Variants in LIN28B observed in about 807,000 individuals in gnomAD.
The protein encoded by LIN28B is protein lin-28 homolog B.
A neutral mutation model predicts 21.9 loss-of-function variants in LIN28B; 5 were observed. That is an observed-to-expected ratio of 0.23 (90% CI 0.12 to 0.48). LIN28B has a LOEUF of 0.48. Among genes scored for constraint, LIN28B ranks in the 20% least tolerant of loss-of-function variants. The probability of loss-of-function intolerance (pLI) is 0.98; values close to 1 mark genes in which losing one functional copy is unlikely to be tolerated. For missense variants in LIN28B, 245 were observed against 310.5 expected, an observed-to-expected ratio of 0.79 and a Z score of 1.58; for synonymous variants, 109 against 111.3, an observed-to-expected ratio of 0.98 and a Z score of 0.13.
chr6:105,026,416 C>T lies in LIN28B; in HGVS notation c.317C>T (p.Pro106Leu). ...SIRVTGPGGS[P>L]CLGSERRPKG... ...CGGGTAACAGGACCTGGTGGGAGCC[C>T]CTGTTTAGGAAGTGAAAGAAGACCC... Residue 106 changes from proline (P) to leucine (L), a missense_variant, in exon 3 of 4, where the codon CCC becomes CTC. Physicochemically the swap from Pro to Leu is moderately conservative, Grantham distance 98. Transcript: ENST00000345080. 2 of 1,610,936 alleles carry T rather than the reference C, an allele frequency of 1.2e-6. No individual in the cohort carries two copies. Among genetic ancestry groups the T allele is most frequent in the African/African-American group, 1.3e-5 (1 of 74,728 alleles).
chr6:104,974,883 G>T (rs984524373), intron 2 of LIN28B, among the ~76,000 whole-genome samples: 2 of 151,936 alleles, frequency 1.3e-5, no homozygotes, highest in Non-Finnish European at 2.9e-5. Flanking sequence ...GCAGTGGCAC[G>T]ATCTCTGTTC....
At chr6:105,052,823 A>G (rs1771933979) in intron 3 of LIN28B, among the ~76,000 whole-genome samples, 1 of 151,954 alleles carries the variant, frequency 6.6e-6, no homozygotes, top group Non-Finnish European at 1.5e-5. Flanking sequence ...TTTTTTAAAA[A>G]TCCTTTCTAG....
At chr6:105,055,586 ATTTC>A (rs1772005552) in intron 3 of LIN28B, among the ~76,000 whole-genome samples, 1 of 151,944 alleles carries the variant, frequency 6.6e-6, no homozygotes, top group African/African-American at 2.4e-5. Flanking sequence ...TTATATTCAT[ATTTC>A]TTTATTTTCT....
chr6:104,956,092 T>C (rs1057359272), upstream of LIN28B, among the ~76,000 whole-genome samples: 4 of 152,108 alleles, frequency 2.6e-5, no homozygotes, highest in African/African-American at 4.8e-5. Context: ...CAATATGATA[T>C]GAATTTACCT....
intron 2 of LIN28B, among the ~76,000 whole-genome samples, chr6:104,991,017 G>A (rs954023961): frequency 2.0e-5 from 3 of 152,204 alleles, no homozygotes; most frequent in African/African-American, 4.8e-5. Context: ...ACATTTCCCC[G>A]TTTTCTATTC....
At chr6:105,004,696 T>C (rs915326591) in intron 2 of LIN28B, among the ~76,000 whole-genome samples, 10 of 152,218 alleles carry the variant, frequency 6.6e-5, no homozygotes, top group African/African-American at 2.4e-4. Flanking sequence ...AGGGTTATAA[T>C]TGCTTTTTGC....
chr6:104,972,937 G>A (rs569642220), intron 2 of LIN28B, among the ~76,000 whole-genome samples: 9 of 151,900 alleles, frequency 5.9e-5, no homozygotes, highest in African/African-American at 1.9e-4. Flanking sequence ...ATGGCAAAAC[G>A]CTGTCTCTAC....
At chr6:104,981,584 T>C (rs1770227612) in intron 2 of LIN28B, among the ~76,000 whole-genome samples, 1 of 152,220 alleles carries the variant, frequency 6.6e-6, no homozygotes, top group African/African-American at 2.4e-5. Context: ...AATTCATATA[T>C]CCTCAGCAAT....
At chr6:104,972,785 A>G (rs1036024622) in intron 2 of LIN28B, among the ~76,000 whole-genome samples, 1 of 152,116 alleles carries the variant, frequency 6.6e-6, no homozygotes, top group Non-Finnish European at 1.5e-5. Flanking sequence ...TTTTTTGGAT[A>G]TTATATTTAA....
intron 2 of LIN28B, among the ~76,000 whole-genome samples, chr6:105,010,202 AAC>A (rs1491021954): frequency 2.0e-5 from 3 of 151,950 alleles, no homozygotes; most frequent in Non-Finnish European, 2.9e-5. Flanking sequence ...CAAAAAAAAA[AAC>A]ACACAAAAAT....
At chr6:105,021,553 G>A (rs185896908) in intron 2 of LIN28B, among the ~76,000 whole-genome samples, 2 of 152,224 alleles carry the variant, frequency 1.3e-5, no homozygotes, top group Admixed American at 1.3e-4. Context: ...CATTCTGACT[G>A]TGGTAAGATG....
chr6:104,975,887 G>A (rs1434900695), intron 2 of LIN28B, among the ~76,000 whole-genome samples: 1 of 145,696 alleles, frequency 6.9e-6, no homozygotes, highest in East Asian at 2.0e-4. Flanking sequence ...ACGTCGTCCA[G>A]GCTGGTCTCA....
chr6:104,981,772 A>G (rs543404606), intron 2 of LIN28B, among the ~76,000 whole-genome samples: 1 of 152,328 alleles, frequency 6.6e-6, no homozygotes, highest in African/African-American at 2.4e-5. Context: ...AACAAGGGAA[A>G]GTTACTTGTT....
chr6:104,963,439 T>C (rs1769795671), intron 2 of LIN28B, among the ~76,000 whole-genome samples: 1 of 152,332 alleles, frequency 6.6e-6, no homozygotes, highest in East Asian at 1.9e-4. Context: ...TCTCAGACTC[T>C]TTTTCATGTA....
upstream of LIN28B, among the ~76,000 whole-genome samples, chr6:104,955,380 C>T (rs937846690): frequency 2.6e-5 from 4 of 152,064 alleles, no homozygotes; most frequent in Non-Finnish European, 5.9e-5. Flanking sequence ...GAGAAAGTAG[C>T]CCTTTTTCCT....
At chr6:104,997,749 G>A (rs1362575023) in intron 2 of LIN28B, among the ~76,000 whole-genome samples, 1 of 152,108 alleles carries the variant, frequency 6.6e-6, no homozygotes, top group East Asian at 1.9e-4. Context: ...ACATGGCCGG[G>A]TTCATATCCC....
Position 105,080,774 on chromosome 6 carries a change from C to G in LIN28B, c.*1991C>G, listed in dbSNP as rs771021388. On this transcript the variant is annotated 3_prime_UTR_variant, in exon 4 of 4. Coordinates refer to ENST00000345080, the MANE Select transcript of LIN28B (RefSeq NM_001004317.4). ...AATGCAAAACATGATAAGCGTTGCT[C>G]AATTTTTAGCAGGTATAATAAGCAG... The G allele has an allele frequency of 2.0e-5, 3 of 152,558 alleles. No homozygotes were observed. The highest frequency in any genetic ancestry group is 4.4e-5 in the Non-Finnish European group (3 of 68,034). The allele number at this position is 152,558 out of a possible 1,614,324, so 9.5% of individuals were successfully genotyped here.
chr6:105,022,599 G>A (rs1430856157), intron 2 of LIN28B, among the ~76,000 whole-genome samples: 1 of 152,066 alleles, frequency 6.6e-6, no homozygotes, highest in Non-Finnish European at 1.5e-5. Context: ...CTGATTGGAG[G>A]TCTTACTGAC....
chr6:105,020,840 C>A (rs544749249), intron 2 of LIN28B, among the ~76,000 whole-genome samples: 4 of 150,328 alleles, frequency 2.7e-5, no homozygotes, highest in Non-Finnish European at 5.9e-5. Context: ...GCAAGCTACT[C>A]CTCCTGGGTT....
Sources: allele counts gnomAD v4.1 joint callset (sites outside exome capture counted in the v4.1 genomes callset), GRCh38; gene constraint gnomAD v4.1.1; transcripts MANE v1.5; gene names NCBI Gene and HGNC (gene_info 2026-07-23, HGNC 2026-07-21).